ARMC2: variants seen among roughly 807,000 people sequenced by gnomAD.
ARMC2 encodes the protein armadillo repeat containing 2, also known as armadillo repeat-containing protein 2.
A neutral mutation model predicts 90.3 loss-of-function variants in ARMC2; 67 were observed. The observed-to-expected ratio is 0.74, with a 90% CI of 0.61 to 0.91. The LOEUF (loss-of-function observed/expected upper bound fraction) is 0.91. ARMC2 is among the 40% of genes least tolerant of loss of function. ARMC2 has a pLI of 0.00. For synonymous variants in ARMC2, 393 were observed against 393.0 expected, an observed-to-expected ratio of 1.00 and a Z score of 0.00; for missense variants, 920 against 1,030.9, an observed-to-expected ratio of 0.89 and a Z score of 1.47.
chr6:108,971,917 T>G (rs1175200935), intron 17 of ARMC2, among the ~76,000 whole-genome samples: 2 of 138,120 alleles, frequency 1.4e-5, no homozygotes, highest in East Asian at 4.2e-4. Flanking sequence ...CGAGAGTCCA[T>G]CTCAAAAAAA....
Position 108,868,508 on chromosome 6 carries a change from C to T in ARMC2, c.292-316C>T, listed in dbSNP as rs201353248. 2.0e-4 allele frequency among the ~76,000 whole-genome samples: 31 copies of T among 152,284 alleles called. No homozygotes were observed. In the East Asian group the frequency reaches 5.2e-3, roughly 26 times the overall value. ...CTGGGATTGCAGGCATGAGCCACTG[C>T]GCCCGGCCAATTTTGTAGTCTTTTA... On this transcript the variant is annotated intron_variant, in intron 3 of 17. Transcript: ENST00000392644.
At chr6:108,861,507 C>T (rs560324273) in intron 3 of ARMC2, among the ~76,000 whole-genome samples, 2 of 152,272 alleles carry the variant, frequency 1.3e-5, no homozygotes, top group African/African-American at 4.8e-5. Flanking sequence ...CCAAATGACC[C>T]CAATTGCCTC....
chr6:109,013,068 A>G, the ARMC2 span, among the ~76,000 whole-genome samples: 1 of 151,794 alleles, frequency 6.6e-6, no homozygotes, highest in Non-Finnish European at 1.5e-5. Flanking sequence ...ATGAGCCAAG[A>G]TCGCACCATT....
the ARMC2 span, among the ~76,000 whole-genome samples, chr6:108,980,463 G>A: frequency 1.3e-5 from 2 of 151,088 alleles, no homozygotes; most frequent in Admixed American, 6.6e-5. Context: ...CAGGATACGC[G>A]GGTGGCCAGG....
intron 5 of ARMC2, among the ~76,000 whole-genome samples, chr6:108,892,063 G>A (rs1419563539): frequency 1.3e-5 from 2 of 152,192 alleles, no homozygotes; most frequent in African/African-American, 4.8e-5. Context: ...ATGACTTGAG[G>A]GAGAGTGGAC....
chr6:108,880,182 A>G (rs1423717755), intron 5 of ARMC2: 4 of 345,194 alleles, frequency 1.2e-5, no homozygotes, highest in South Asian at 4.5e-5. Flanking sequence ...ACACTGCAGT[A>G]TAGGCTTGAT....
At chr6:108,957,049 T>A (rs1042064838) in intron 13 of ARMC2, among the ~76,000 whole-genome samples, 1 of 152,164 alleles carries the variant, frequency 6.6e-6, no homozygotes, top group African/African-American at 2.4e-5. Flanking sequence ...TGAGAAATGT[T>A]TTAGTCTCTG....
At chr6:109,006,231 C>T in the ARMC2 span, among the ~76,000 whole-genome samples, 1 of 152,082 alleles carries the variant, frequency 6.6e-6, no homozygotes, top group East Asian at 1.9e-4. Flanking sequence ...TTAATCCTTA[C>T]CTTAATCTAT....
chr6:108,997,313 G>GC, the ARMC2 span, among the ~76,000 whole-genome samples: 1 of 152,042 alleles, frequency 6.6e-6, no homozygotes, highest in East Asian at 1.9e-4. Flanking sequence ...GTAGCAAGGA[G>GC]AAGAATCCAT....
At position 108,932,317 on chromosome 6, in the gene ARMC2, C is replaced by G. The variant is rs1014847203; in HGVS notation, c.1496+4084C>G. ...TTTGTCATGAAATCTTTGCCCGTTC[C>G]TATGTCCAGGATAGTATTGCCTAGG... On this transcript the variant is annotated intron_variant, in intron 11 of 17. Coordinates refer to ENST00000392644, the MANE Select transcript of ARMC2 (RefSeq NM_032131.6). 2.6e-5 allele frequency among the ~76,000 whole-genome samples: 4 copies of G among 151,798 alleles called. No homozygotes were observed. The East Asian group carries it at 7.7e-4, about 29-fold the overall frequency.
At chr6:108,921,800 C>T (rs907328728) in intron 10 of ARMC2, among the ~76,000 whole-genome samples, 6 of 152,200 alleles carry the variant, frequency 3.9e-5, no homozygotes, top group African/African-American at 1.4e-4. Context: ...TCTTTTACAT[C>T]ATCAGTGGGA....
At chr6:109,043,232 T>C in the ARMC2 span, among the ~76,000 whole-genome samples, 1 of 152,158 alleles carries the variant, frequency 6.6e-6, no homozygotes, top group Non-Finnish European at 1.5e-5. Context: ...ACAGCTGTTT[T>C]TATACTTAAC....
chr6:108,898,145 A>G (rs1583045709), intron 6 of ARMC2, among the ~76,000 whole-genome samples: 2 of 152,298 alleles, frequency 1.3e-5, no homozygotes, highest in Middle Eastern at 6.8e-3. Context: ...TCAAACCCAG[A>G]TGGTGACTCC....
chr6:109,003,666 T>C, the ARMC2 span, among the ~76,000 whole-genome samples: 2 of 152,312 alleles, frequency 1.3e-5, no homozygotes, highest in Non-Finnish European at 2.9e-5. Context: ...TACCCTTCAT[T>C]AGAGGAGGCA....
In ARMC2 at chr6:108,930,489, G is replaced by A. The variant is rs574046787; in HGVS notation, c.1496+2256G>A. Among the ~76,000 whole-genome samples the A allele has an allele frequency of 1.5e-4, 23 of 149,804 alleles. 1 individual carries two copies. Among genetic ancestry groups the A allele is most frequent in the African/African-American group, 5.1e-4 (21 of 40,926 alleles). ...AAATATTTTCATGGTTTCACTAGTTGAAAATAATATTTGTTGTAGGTTTTC... is the reference window on the plus strand; with the variant it reads ...AAATATTTTCATGGTTTCACTAGTTAAAAATAATATTTGTTGTAGGTTTTC... On this transcript the variant is annotated intron_variant, in intron 11 of 17. Coordinates refer to ENST00000392644, the MANE Select transcript of ARMC2 (RefSeq NM_032131.6).
chr6:108,995,737 T>C, the ARMC2 span, among the ~76,000 whole-genome samples: 1 of 152,192 alleles, frequency 6.6e-6, no homozygotes, highest in Admixed American at 6.5e-5. Flanking sequence ...TGAGCTGTGA[T>C]TGTGCCACTG....
chr6:109,009,315 C>T, the ARMC2 span: 1 of 1,444,180 alleles, frequency 6.9e-7, no homozygotes, highest in Non-Finnish European at 9.1e-7. Flanking sequence ...GGGTGCCCAC[C>T]CGCCCAGGTA....
At chr6:108,975,704 C>T (rs576145237), downstream of ARMC2, among the ~76,000 whole-genome samples, 25 of 152,226 alleles carry the variant, frequency 1.6e-4, no homozygotes, top group Middle Eastern at 0.01. Context: ...TTCTAACTGG[C>T]GTGACATGGT....
the ARMC2 span, among the ~76,000 whole-genome samples, chr6:109,009,931 C>G: frequency 6.6e-6 from 1 of 152,036 alleles, no homozygotes; most frequent in Non-Finnish European, 1.5e-5. Flanking sequence ...CTGACAGCAC[C>G]AGGAGTAATG....
Sources: allele counts gnomAD v4.1 joint callset (sites outside exome capture counted in the v4.1 genomes callset), GRCh38; gene constraint gnomAD v4.1.1; transcripts MANE v1.5; gene names NCBI Gene and HGNC (gene_info 2026-07-23, HGNC 2026-07-21).